Variants in RNF144A observed in about 807,000 individuals in gnomAD.
RNF144A encodes E3 ubiquitin-protein ligase RNF144A.
In RNF144A, 11 loss-of-function variants were observed where a neutral mutation model predicts 38.7. The ratio of observed to expected loss-of-function variants is 0.28; its 90% CI spans 0.18 to 0.47. RNF144A has a LOEUF of 0.47. Ranked by LOEUF, RNF144A falls within the 20% of genes least tolerant of loss-of-function variation. The pLI, the probability that RNF144A is intolerant of heterozygous loss-of-function variation, is 0.99. For synonymous variants in RNF144A, 149 were observed against 143.9 expected (o/e 1.04, Z -0.25); for missense variants, 316 against 377.2 (o/e 0.84, Z 1.34).
At chr2:6,986,617 C>T (rs571015283) in intron 2 of RNF144A, among the ~76,000 whole-genome samples, 3 of 152,242 alleles carry the variant, frequency 2.0e-5, no homozygotes, top group East Asian at 3.9e-4. Context: ...GCAGGGAACC[C>T]GGTGGCCCAC....
At chr2:7,031,579 G>C (rs1344571118) in intron 8 of RNF144A, among the ~76,000 whole-genome samples, 1 of 152,206 alleles carries the variant, frequency 6.6e-6, no homozygotes, top group Non-Finnish European at 1.5e-5. Flanking sequence ...CCTGCTCCTC[G>C]AGAGGCGTGA....
chr2:7,002,847 A>T (rs995566653), intron 3 of RNF144A, among the ~76,000 whole-genome samples: 5 of 152,208 alleles, frequency 3.3e-5, no homozygotes, highest in African/African-American at 1.2e-4. Context: ...TTAATCTCAT[A>T]TGAGATGACA....
intron 3 of RNF144A, among the ~76,000 whole-genome samples, chr2:7,000,248 C>T (rs1670015969): frequency 6.6e-6 from 1 of 152,148 alleles, no homozygotes; most frequent in Admixed American, 6.5e-5. Flanking sequence ...AGTGTGAAGT[C>T]TAACTTTAGA....
chr2:6,974,042 G>A (rs1052173147), intron 2 of RNF144A, among the ~76,000 whole-genome samples: 1 of 151,702 alleles, frequency 6.6e-6, no homozygotes, highest in African/African-American at 2.4e-5. Context: ...GACTTCTGGA[G>A]GATCTAGATT....
chr2:7,042,736 C>G lies in RNF144A; in HGVS notation c.*2976C>G. The G allele has an allele frequency of 2.0e-6, 2 of 985,542 alleles. No homozygotes were observed. The highest frequency in any genetic ancestry group is 1.1e-4 in the East Asian group (1 of 8,820). 61.0% of individuals were successfully genotyped at this position (985,542 alleles called of 1,614,324 possible). A position where few individuals can be genotyped will look rare whatever the true frequency, so the allele number is the denominator to read the frequency against. On this transcript the variant is annotated 3_prime_UTR_variant, in exon 9 of 9. Coordinates refer to ENST00000320892, the MANE Select transcript of RNF144A (RefSeq NM_014746.6). ...GCAGTCACCATAGATGTCCACGTAG[C>G]AGAGACTGACTTAGGATCTGAGATA...
At position 7,041,788 on chromosome 2, in the gene RNF144A, A is replaced by G. The variant is rs1673060305; in HGVS notation, c.*2028A>G. 8.1e-6 allele frequency: 8 copies of G among 985,586 alleles called. No individual in the cohort carries two copies. Among genetic ancestry groups the G allele is most frequent in the Non-Finnish European group, 7.2e-6 (6 of 830,076 alleles). The allele number at this position is 985,586 out of a possible 1,614,324, so 61.1% of individuals were successfully genotyped here. A position where few individuals can be genotyped will look rare whatever the true frequency, so the allele number is the denominator to read the frequency against. On this transcript the variant is annotated 3_prime_UTR_variant, in exon 9 of 9. Coordinates refer to ENST00000320892, the MANE Select transcript of RNF144A (RefSeq NM_014746.6). ...GCCTGAAATTGCTGCTGCCCATCGC[A>G]TGAGCCCACACAGTAGCACCCCCGT...
At chr2:6,949,918 G>T (rs537237566) in intron 2 of RNF144A, among the ~76,000 whole-genome samples, 2 of 152,128 alleles carry the variant, frequency 1.3e-5, no homozygotes, top group East Asian at 3.9e-4. Context: ...TTCTTTCCCA[G>T]AGAAAACCAC....
At chr2:6,923,475 C>T (rs1443400980) in intron 1 of RNF144A, among the ~76,000 whole-genome samples, 1 of 152,250 alleles carries the variant, frequency 6.6e-6, no homozygotes, top group Non-Finnish European at 1.5e-5. Flanking sequence ...CCTGTCTTTC[C>T]AGGGCTGATC....
intron 3 of RNF144A, among the ~76,000 whole-genome samples, chr2:7,002,236 C>T (rs10495549): frequency 0.31 from 46,757 of 152,038 alleles, 7,593 homozygotes; most frequent in African/African-American, 0.39. Context: ...GTGCACATAG[C>T]GGATATTTAT....
chr2:6,976,650 A>G (rs887144077), intron 2 of RNF144A, among the ~76,000 whole-genome samples: 4 of 148,730 alleles, frequency 2.7e-5, no homozygotes, highest in East Asian at 1.9e-4. Context: ...TAAATTTATT[A>G]TATATACATT....
intron 3 of RNF144A, among the ~76,000 whole-genome samples, chr2:7,007,460 T>C (rs1240332076): frequency 6.6e-6 from 1 of 152,202 alleles, no homozygotes; most frequent in East Asian, 1.9e-4. Flanking sequence ...ATGTGTCCCC[T>C]TCTGTCCAGG....
chr2:6,990,767 A>G (rs142297596), intron 2 of RNF144A, among the ~76,000 whole-genome samples: 35 of 152,248 alleles, frequency 2.3e-4, no homozygotes, highest in African/African-American at 7.7e-4. Context: ...CAGGTGGATA[A>G]TGACATGTAA....
chr2:6,929,373 T>C (rs958345533), intron 1 of RNF144A, among the ~76,000 whole-genome samples: 2 of 152,166 alleles, frequency 1.3e-5, no homozygotes, highest in African/African-American at 2.4e-5. Context: ...TGCACTTCCA[T>C]AGGGTGAATG....
rs1216582512 is a variant in RNF144A at position 7,043,996 on chromosome 2, A to G, written c.*4236A>G. ...TTTTGTGCCACTAACACTGTGATGTATAAAAGAGCTGTTTGAATGCCTTTT... is the reference window on the plus strand; with the variant it reads ...TTTTGTGCCACTAACACTGTGATGTGTAAAAGAGCTGTTTGAATGCCTTTT... On this transcript the variant is annotated 3_prime_UTR_variant, in exon 9 of 9. Transcript: ENST00000320892. The G allele has an allele frequency of 3.0e-6, 3 of 985,750 alleles. No individual in the cohort carries two copies. Among genetic ancestry groups the G allele is most frequent in the Non-Finnish European group, 3.6e-6 (3 of 829,910 alleles). 61.1% of individuals were successfully genotyped at this position (985,750 alleles called of 1,614,324 possible).
At chr2:7,026,287 TG>T (rs1306458824) in intron 7 of RNF144A, among the ~76,000 whole-genome samples, 1 of 152,252 alleles carries the variant, frequency 6.6e-6, no homozygotes, top group African/African-American at 2.4e-5. Flanking sequence ...TAGAACGTGA[TG>T]CAGCTGACAA....
intron 2 of RNF144A, among the ~76,000 whole-genome samples, chr2:6,992,006 C>T (rs1669417856): frequency 6.6e-6 from 1 of 152,118 alleles, no homozygotes; most frequent in African/African-American, 2.4e-5. Context: ...CATGGTAGAC[C>T]TCCAAAGCCA....
intron 2 of RNF144A, among the ~76,000 whole-genome samples, chr2:6,948,514 A>G (rs2103309535): frequency 6.6e-6 from 1 of 152,354 alleles, no homozygotes; most frequent in South Asian, 2.1e-4. Flanking sequence ...GAGAAAACTG[A>G]GACTGAACAA....
At chr2:7,058,203 AC>A (rs1182579590) in intron 6 of RNF144A, among the ~76,000 whole-genome samples, 1 of 152,170 alleles carries the variant, frequency 6.6e-6, no homozygotes. Context: ...TGAGACATGA[AC>A]AAAAAGTAGG....
intron 1 of RNF144A, among the ~76,000 whole-genome samples, chr2:6,922,734 C>T (rs1664617798): frequency 1.3e-5 from 2 of 151,754 alleles, no homozygotes; most frequent in South Asian, 4.2e-4. Context: ...ACGCCATTCT[C>T]CTGCCTCAGC....
Sources: gnomAD v4.1 joint callset for allele counts (sites outside exome capture counted in the v4.1 genomes callset) on GRCh38, gnomAD v4.1.1 for gene constraint, MANE v1.5 for transcripts, NCBI Gene and HGNC (gene_info 2026-07-23, HGNC 2026-07-21) for gene names.